Variants in LDB2 observed in about 807,000 individuals in gnomAD.
The protein encoded by LDB2 is LIM domain binding 2, also known as LIM domain-binding protein 2.
A neutral mutation model predicts 44.3 loss-of-function variants in LDB2; 12 were observed. That is an observed-to-expected ratio of 0.27 (90% CI 0.17 to 0.44). The LOEUF is 0.44. LDB2 is among the 20% of genes least tolerant of loss of function. The pLI, the probability that LDB2 is intolerant of heterozygous loss-of-function variation, is 1.00. For synonymous variants in LDB2, 164 were observed against 174.8 expected (o/e 0.94, Z 0.49); for missense variants, 344 against 473.5 (o/e 0.73, Z 2.54).
At chr4:16,746,509 G>T (rs1168569759) in intron 2 of LDB2, among the ~76,000 whole-genome samples, 1 of 152,136 alleles carries the variant, frequency 6.6e-6, no homozygotes, top group Non-Finnish European at 1.5e-5. Flanking sequence ...ATAGGTGGCT[G>T]GGTGCAGTGG....
intron 1 of LDB2, among the ~76,000 whole-genome samples, chr4:16,882,684 T>C (rs1720503827): frequency 6.6e-6 from 1 of 152,224 alleles, no homozygotes; most frequent in African/African-American, 2.4e-5. Flanking sequence ...TATAATAAAC[T>C]ATATTTTAAT....
chr4:16,703,634 T>C (rs767367875), intron 2 of LDB2, among the ~76,000 whole-genome samples: 6 of 152,194 alleles, frequency 3.9e-5, no homozygotes, highest in Non-Finnish European at 8.8e-5. Context: ...GACCTTAGAG[T>C]TATTCAGACA....
intron 2 of LDB2, among the ~76,000 whole-genome samples, chr4:16,697,804 T>C (rs1408127476): frequency 6.6e-6 from 1 of 152,128 alleles, no homozygotes; most frequent in Non-Finnish European, 1.5e-5. Flanking sequence ...GACACTCCAG[T>C]AGGGAAAGAC....
chr4:16,854,724 G>A (rs974927319), intron 1 of LDB2, among the ~76,000 whole-genome samples: 2 of 122,036 alleles, frequency 1.6e-5, no homozygotes, highest in Admixed American at 7.9e-5. Flanking sequence ...TGTATATTAT[G>A]TGTGTATATA....
chr4:16,582,615 C>T lies in LDB2; in HGVS notation c.615+3307G>A, dbSNP rs544954807. The stretch of plus-strand genomic sequence containing the variant: ...AACCCACCACCCGGTATCGGAATAC[C>T]CAACAGCAACAAAATAATGACTTCC... On this transcript the variant is annotated intron_variant, in intron 5 of 7. Coordinates refer to ENST00000304523, the MANE Select transcript of LDB2 (RefSeq NM_001290.5). This position sits in a 1 kb window ranked among gnomAD's most constrained non-coding sequence, Gnocchi z 4.8. 1.3e-5 allele frequency among the ~76,000 whole-genome samples: 2 copies of T among 152,198 alleles called. No homozygotes were observed. The highest frequency in any genetic ancestry group is 2.9e-5 in the Non-Finnish European group (2 of 68,040).
chr4:16,578,647 G>T (rs1712889582), intron 5 of LDB2, among the ~76,000 whole-genome samples: 1 of 152,070 alleles, frequency 6.6e-6, no homozygotes, highest in Non-Finnish European at 1.5e-5. Context: ...TAGTTTGGAG[G>T]TTCTTCAAAA....
At chr4:16,861,694 T>G (rs932186630) in intron 1 of LDB2, among the ~76,000 whole-genome samples, 146 of 152,292 alleles carry the variant, frequency 9.6e-4, no homozygotes, top group Non-Finnish European at 2.8e-4. Context: ...ATCTCAAATA[T>G]GGCTTTTTGT....
At chr4:16,791,793 C>T (rs58495487) in intron 1 of LDB2, among the ~76,000 whole-genome samples, 1,788 of 152,168 alleles carry the variant, frequency 0.012, 23 homozygotes, top group African/African-American at 0.033. Context: ...TTGAAGATTA[C>T]GAATTGACCC....
intron 1 of LDB2, among the ~76,000 whole-genome samples, chr4:16,775,036 C>T (rs1771596541): frequency 6.6e-6 from 1 of 152,216 alleles, no homozygotes; most frequent in African/African-American, 2.4e-5. Context: ...AAGCCAGACA[C>T]AAAAGGCCAT....
chr4:16,880,199 A>C (rs1296127583), intron 1 of LDB2, among the ~76,000 whole-genome samples: 14 of 152,172 alleles, frequency 9.2e-5, no homozygotes, highest in Admixed American at 8.5e-4. Context: ...ACCATCTTAA[A>C]AATTCTTCAT....
At chr4:16,612,289 A>G (rs560406412) in intron 2 of LDB2, among the ~76,000 whole-genome samples, 2 of 152,288 alleles carry the variant, frequency 1.3e-5, no homozygotes, top group South Asian at 2.1e-4. Flanking sequence ...ACACCCTAAC[A>G]TCACAATTAA....
At chr4:16,744,452 T>C (rs1170578083) in intron 2 of LDB2, among the ~76,000 whole-genome samples, 2 of 151,202 alleles carry the variant, frequency 1.3e-5, no homozygotes, top group East Asian at 3.9e-4. Flanking sequence ...CCACTGCACC[T>C]GGCCAAGTCA....
intron 2 of LDB2, among the ~76,000 whole-genome samples, chr4:16,695,266 G>C (rs1379327003): frequency 6.6e-6 from 1 of 152,160 alleles, no homozygotes; most frequent in Non-Finnish European, 1.5e-5. Flanking sequence ...GCGGGGCGCA[G>C]TGGCTCAGGC....
At chr4:16,623,416 G>A (rs1261737908) in intron 2 of LDB2, among the ~76,000 whole-genome samples, 2 of 152,100 alleles carry the variant, frequency 1.3e-5, no homozygotes, top group South Asian at 2.1e-4. Context: ...TGGCCAACAT[G>A]GTGAAACCCC....
At chr4:16,511,086 C>G (rs1429162142) in intron 6 of LDB2, among the ~76,000 whole-genome samples, 1 of 152,160 alleles carries the variant, frequency 6.6e-6, no homozygotes, top group African/African-American at 2.4e-5. Flanking sequence ...TCTCAGCTTT[C>G]TAAATATGTA....
chr4:16,861,343 A>G (rs1712475352), intron 1 of LDB2, among the ~76,000 whole-genome samples: 1 of 152,178 alleles, frequency 6.6e-6, no homozygotes, highest in Non-Finnish European at 1.5e-5. Flanking sequence ...GGACTGTCCC[A>G]TGAATTGTCT....
intron 1 of LDB2, among the ~76,000 whole-genome samples, chr4:16,848,921 C>T (rs1159060273): frequency 2.0e-5 from 3 of 152,146 alleles, no homozygotes; most frequent in Admixed American, 6.5e-5. Context: ...TCTGCATGGC[C>T]GCCTGAAAGC....
chr4:16,839,271 G>A (rs1168086166), intron 1 of LDB2, among the ~76,000 whole-genome samples: 1 of 152,206 alleles, frequency 6.6e-6, no homozygotes, highest in Non-Finnish European at 1.5e-5. Context: ...ACCTCAGGCT[G>A]CTTCCATTCA....
Position 16,627,951 on chromosome 4 carries a change from C to T in LDB2, c.236-32076G>A, listed in dbSNP as rs941777996. Among the ~76,000 whole-genome samples, 5 of 152,156 alleles carry T rather than the reference C, an allele frequency of 3.3e-5. 1 individual carries two copies. The highest frequency in any genetic ancestry group is 9.7e-5 in the African/African-American group (4 of 41,438). On this transcript the variant is annotated intron_variant, in intron 2 of 7. Transcript: ENST00000304523. ...GGCCAAGCTGCTGGAGTCAAATCAA[C>T]GTGCACATGGGGTTTATGAGTCAAA...
Sources: allele counts gnomAD v4.1 joint callset (sites outside exome capture counted in the v4.1 genomes callset), GRCh38; gene constraint gnomAD v4.1.1; non-coding constraint Gnocchi (gnomAD v3.1); transcripts MANE v1.5; gene names NCBI Gene and HGNC (gene_info 2026-07-23, HGNC 2026-07-21).